KCND2: variants seen among roughly 807,000 people sequenced by gnomAD.
KCND2 encodes potassium voltage-gated channel subfamily D member 2.
Under a neutral mutation model 54.4 loss-of-function variants are expected in KCND2, and 16 were observed. The ratio of observed to expected loss-of-function variants is 0.29; its 90% CI spans 0.20 to 0.45. KCND2 has a LOEUF of 0.45. Ranked by LOEUF, KCND2 falls within the 20% of genes least tolerant of loss-of-function variation. KCND2 has a pLI of 1.00. For synonymous variants in KCND2, 317 were observed against 310.7 expected, an observed-to-expected ratio of 1.02 and a Z score of -0.21; for missense variants, 486 against 824.2, an observed-to-expected ratio of 0.59 and a Z score of 5.02.
Position 120,564,593 on chromosome 7 carries a change from G to A in KCND2, c.1116-168310G>A, listed in dbSNP as rs144065060. On this transcript the variant is annotated intron_variant, in intron 1 of 5. Transcript: ENST00000331113. ...AGATTTCTACATAGAATTGCTTGTG[G>A]GTTGTATTCATTTTACCAAAAAAAG... 3.9e-5 allele frequency among the ~76,000 whole-genome samples: 6 copies of A among 152,034 alleles called. No individual in the cohort carries two copies. The East Asian group carries it at 7.7e-4, about 20-fold the overall frequency.
chr7:120,426,637 TGGAGTGCAGTGGCGCAATCTGTC>T (rs1801711885), intron 1 of KCND2, among the ~76,000 whole-genome samples: 4 of 87,736 alleles, frequency 4.6e-5, no homozygotes, highest in African/African-American at 3.3e-4. Context: ...TCGCCCAGGC[TGGAGTGCAGTGGCGCAATCTGTC>T]GCCCAGGCTG....
chr7:120,585,641 G>C (rs1792588566), intron 1 of KCND2, among the ~76,000 whole-genome samples: 1 of 151,998 alleles, frequency 6.6e-6, no homozygotes, highest in Non-Finnish European at 1.5e-5. Context: ...ATAAGTAGAG[G>C]GCAGGTGTCA....
At chr7:120,353,362 T>C (rs1800444982) in intron 1 of KCND2, among the ~76,000 whole-genome samples, 2 of 151,964 alleles carry the variant, frequency 1.3e-5, no homozygotes, top group Non-Finnish European at 2.9e-5. Flanking sequence ...GGAAATGAGT[T>C]ATAGGGAAGT....
At chr7:120,641,606 T>A (rs1793376584) in intron 1 of KCND2, among the ~76,000 whole-genome samples, 1 of 152,090 alleles carries the variant, frequency 6.6e-6, no homozygotes, top group African/African-American at 2.4e-5. Flanking sequence ...GGATAAAACT[T>A]CAAAGTGTCA....
chr7:120,506,452 T>G (rs1394002735), intron 1 of KCND2, among the ~76,000 whole-genome samples: 1 of 151,852 alleles, frequency 6.6e-6, no homozygotes, highest in Non-Finnish European at 1.5e-5. Flanking sequence ...TGTGCATTTT[T>G]ACTCTATCTC....
intron 1 of KCND2, among the ~76,000 whole-genome samples, chr7:120,593,034 T>C (rs1420847148): frequency 6.6e-6 from 1 of 152,206 alleles, no homozygotes; most frequent in African/African-American, 2.4e-5. Flanking sequence ...CAAACAGTTT[T>C]TGTTAAAATG....
At chr7:120,413,553 A>T (rs1801480704) in intron 1 of KCND2, among the ~76,000 whole-genome samples, 1 of 152,010 alleles carries the variant, frequency 6.6e-6, no homozygotes, top group South Asian at 2.1e-4. Flanking sequence ...AGAAAGAATA[A>T]TCTCAAACTT....
At chr7:120,567,722 G>T (rs1445100449) in intron 1 of KCND2, among the ~76,000 whole-genome samples, 2 of 151,916 alleles carry the variant, frequency 1.3e-5, no homozygotes, top group Non-Finnish European at 2.9e-5. Context: ...ATTAAGATTT[G>T]TATTTTTTTA....
At chr7:120,536,562 G>T (rs192624346) in intron 1 of KCND2, among the ~76,000 whole-genome samples, 1 of 152,112 alleles carries the variant, frequency 6.6e-6, no homozygotes, top group African/African-American at 2.4e-5. Context: ...AACAAAATTT[G>T]TGTAATATCC....
intron 1 of KCND2, among the ~76,000 whole-genome samples, chr7:120,312,158 CG>C (rs2116315771): frequency 1.3e-5 from 2 of 152,250 alleles, no homozygotes; most frequent in South Asian, 4.1e-4. Context: ...CTGCCCACTT[CG>C]GCCTCCCAAA....
intron 1 of KCND2, among the ~76,000 whole-genome samples, chr7:120,435,606 A>G (rs2116177356): frequency 6.6e-6 from 1 of 152,264 alleles, no homozygotes; most frequent in Non-Finnish European, 1.5e-5. Flanking sequence ...TACAAAATTA[A>G]TTGTGCATTT....
At chr7:120,399,660 T>C (rs1182180729) in intron 1 of KCND2, among the ~76,000 whole-genome samples, 1 of 151,870 alleles carries the variant, frequency 6.6e-6, no homozygotes, top group Non-Finnish European at 1.5e-5. Flanking sequence ...TTTTCATATA[T>C]ATTTATCCAA....
At chr7:120,325,582 T>G (rs1212498911) in intron 1 of KCND2, among the ~76,000 whole-genome samples, 1 of 151,718 alleles carries the variant, frequency 6.6e-6, no homozygotes. Context: ...TCTTTGGCTC[T>G]GTTTATATGC....
chr7:120,334,869 T>C (rs1331407248), intron 1 of KCND2, among the ~76,000 whole-genome samples: 1 of 152,166 alleles, frequency 6.6e-6, no homozygotes, highest in Non-Finnish European at 1.5e-5. Flanking sequence ...AGAGAAAAGT[T>C]AGCATTTTTT....
intron 1 of KCND2, among the ~76,000 whole-genome samples, chr7:120,568,915 C>T (rs1039703567): frequency 1.3e-5 from 2 of 151,922 alleles, no homozygotes; most frequent in Non-Finnish European, 2.9e-5. Context: ...TGTTTCCCCT[C>T]GCAATTCTTA....
At chr7:120,656,088 A>G (rs1791800123) in intron 1 of KCND2, among the ~76,000 whole-genome samples, 1 of 152,162 alleles carries the variant, frequency 6.6e-6, no homozygotes. Flanking sequence ...AAAGTAGGAG[A>G]ACTTTTAGTA....
intron 1 of KCND2, among the ~76,000 whole-genome samples, chr7:120,344,537 G>A (rs1219351958): frequency 6.6e-6 from 1 of 152,120 alleles, no homozygotes; most frequent in African/African-American, 2.4e-5. Context: ...CAATAGCACC[G>A]ACTGAAGGAT....
intron 1 of KCND2, among the ~76,000 whole-genome samples, chr7:120,617,545 T>A (rs974554486): frequency 6.6e-6 from 1 of 152,192 alleles, no homozygotes; most frequent in Non-Finnish European, 1.5e-5. Flanking sequence ...CTGGTGGGAA[T>A]GTAAATTAGT....
chr7:120,289,053 C>A (rs9655834), intron 1 of KCND2, among the ~76,000 whole-genome samples: 2 of 36,750 alleles, frequency 5.4e-5, no homozygotes, highest in African/African-American at 8.0e-5. Flanking sequence ...CACACACACA[C>A]ACACACACAC....
Sources: allele counts gnomAD v4.1 joint callset (sites outside exome capture counted in the v4.1 genomes callset), GRCh38; gene constraint gnomAD v4.1.1; transcripts MANE v1.5; gene names NCBI Gene and HGNC (gene_info 2026-07-23, HGNC 2026-07-21).